The following EGLN3 variants were observed in gnomAD, a reference collection of about 807,000 sequenced individuals.
EGLN3 encodes prolyl hydroxylase EGLN3.
Under a neutral mutation model 26.0 loss-of-function variants are expected in EGLN3, and 15 were observed. The ratio of observed to expected loss-of-function variants is 0.58; its 90% CI spans 0.39 to 0.89. The LOEUF is 0.89. Among genes scored for constraint, EGLN3 ranks in the 40% least tolerant of loss-of-function variants. The pLI is 0.00. For missense variants in EGLN3, 238 were observed against 311.6 expected (o/e 0.76, Z 1.78); for synonymous variants, 147 against 127.2 (o/e 1.16, Z -1.05).
intron 1 of EGLN3, among the ~76,000 whole-genome samples, chr14:33,940,440 C>T (rs1156523951): frequency 6.6e-6 from 1 of 151,570 alleles, no homozygotes; most frequent in African/African-American, 2.4e-5. Context: ...TGACCTCTGA[C>T]TTTCTTGTTA....
In EGLN3 at chr14:33,924,554, C is replaced by T. The variant is rs778723199; in HGVS notation, c.*1337G>A. 2 of 146,926 alleles carry T rather than the reference C, an allele frequency of 1.4e-5. No individual in the cohort carries two copies. Among genetic ancestry groups the T allele is most frequent in the African/African-American group, 2.5e-5 (1 of 40,456 alleles). 9.1% of individuals were successfully genotyped at this position (146,926 alleles called of 1,614,324 possible). ...TTGGAAGACTATATATATATATATC[C>T]GTACATAACAAAGGAAAATATTTCT... is the stretch of plus-strand genomic sequence containing the variant. On this transcript the variant is annotated 3_prime_UTR_variant, in exon 5 of 5. Transcript: ENST00000250457.
chr14:33,936,638 G>A (rs182827216), intron 1 of EGLN3, among the ~76,000 whole-genome samples: 2 of 151,970 alleles, frequency 1.3e-5, no homozygotes, highest in East Asian at 1.9e-4. Flanking sequence ...ATTAGTAGCT[G>A]GAACAAAGGC....
chr14:33,933,192 T>C (rs867190246), intron 1 of EGLN3, among the ~76,000 whole-genome samples: 17 of 152,140 alleles, frequency 1.1e-4, no homozygotes, highest in Middle Eastern at 3.4e-3. Flanking sequence ...GTTACGCAGC[T>C]GTCAAAGGCC....
chr14:33,949,299 A>G (rs1471610220), intron 1 of EGLN3: 3 of 152,214 alleles, frequency 2.0e-5, no homozygotes, highest in Admixed American at 6.5e-5. Context: ...TGAGAGAACA[A>G]TGGTCTGTTC....
intron 1 of EGLN3, among the ~76,000 whole-genome samples, chr14:33,943,482 G>A (rs2064497334): frequency 6.6e-6 from 1 of 152,208 alleles, no homozygotes; most frequent in Non-Finnish European, 1.5e-5. Context: ...TGCTACCAAG[G>A]AATTGTGGAG....
chr14:33,927,996 G>A (rs75446112), intron 3 of EGLN3, among the ~76,000 whole-genome samples: 4,037 of 151,708 alleles, frequency 0.027, 184 homozygotes, highest in African/African-American at 0.089. Flanking sequence ...AGCTACTTCC[G>A]TAGCTAACAA....
intron 2 of EGLN3, among the ~76,000 whole-genome samples, chr14:33,930,420 A>G (rs768705003): frequency 3.9e-5 from 6 of 152,234 alleles, no homozygotes. Flanking sequence ...GAGATGCAGA[A>G]GGTTCAAAAG....
At chr14:33,933,018 A>G (rs902788568) in intron 1 of EGLN3, among the ~76,000 whole-genome samples, 1 of 152,118 alleles carries the variant, frequency 6.6e-6, no homozygotes, top group Non-Finnish European at 1.5e-5. Flanking sequence ...GGCTCCCCCC[A>G]CTGAGTGTGT....
chr14:33,935,484 A>C (rs1217985251), intron 1 of EGLN3, among the ~76,000 whole-genome samples: 1 of 152,044 alleles, frequency 6.6e-6, no homozygotes, highest in African/African-American at 2.4e-5. Flanking sequence ...TTTCAATGAG[A>C]GCAAATCTTC....
chr14:33,936,821 A>T (rs2064446496), intron 1 of EGLN3, among the ~76,000 whole-genome samples: 2 of 33,158 alleles, frequency 6.0e-5, no homozygotes, highest in Admixed American at 4.4e-4. Flanking sequence ...GTTTTATTTA[A>T]AAAAAAAAAA....
intron 1 of EGLN3, among the ~76,000 whole-genome samples, chr14:33,931,795 A>G (rs941879810): frequency 6.6e-6 from 1 of 152,250 alleles, no homozygotes; most frequent in African/African-American, 2.4e-5. Context: ...CTAACTTGTT[A>G]ACACAGACAA....
chr14:33,930,874 T>C (rs1204810863), intron 2 of EGLN3, among the ~76,000 whole-genome samples: 1 of 152,200 alleles, frequency 6.6e-6, no homozygotes, highest in Non-Finnish European at 1.5e-5. Context: ...GTAGGGTTAA[T>C]AATCACCCTA....
chr14:33,936,808 C>A (rs1594379962), intron 1 of EGLN3, among the ~76,000 whole-genome samples: 1 of 122,552 alleles, frequency 8.2e-6, no homozygotes, highest in African/African-American at 2.9e-5. Context: ...ATGCCCTTTA[C>A]AAGTTTTATT....
Position 33,924,397 on chromosome 14 carries a change from T to A in EGLN3, c.*1494A>T, listed in dbSNP as rs1428212442. 6.6e-6 allele frequency: 1 copy of A among 152,124 alleles called. No homozygotes were observed. Among genetic ancestry groups the A allele is most frequent in the Non-Finnish European group, 1.5e-5 (1 of 68,020 alleles). The allele number at this position is 152,124 out of a possible 1,614,324, so 9.4% of individuals were successfully genotyped here. On this transcript the variant is annotated 3_prime_UTR_variant, in exon 5 of 5. Transcript: ENST00000250457. ...CAAGACAATAAACATAATAAGTGAA[T>A]AAATTACATAGTAATTTAGAAGGTG...
At chr14:33,947,782 T>C (rs572203149) in intron 1 of EGLN3, among the ~76,000 whole-genome samples, 1 of 152,324 alleles carries the variant, frequency 6.6e-6, no homozygotes, top group East Asian at 1.9e-4. Context: ...CCGGGCACAG[T>C]GGCTCAAGCC....
chr14:33,926,449 C>T (rs1566596063), intron 4 of EGLN3, among the ~76,000 whole-genome samples: 1 of 152,116 alleles, frequency 6.6e-6, no homozygotes, highest in African/African-American at 2.4e-5. Context: ...AGGAATTTAC[C>T]AAATTGGCAG....
intron 1 of EGLN3, among the ~76,000 whole-genome samples, chr14:33,939,811 T>C (rs1358460968): frequency 6.6e-6 from 1 of 152,198 alleles, no homozygotes; most frequent in African/African-American, 2.4e-5. Context: ...ACTTGCCTTT[T>C]TGAACCCAGT....
intron 3 of EGLN3, 133 bp downstream of exon 3, chr14:33,928,943 T>G (rs2064381293): frequency 1.1e-5 from 12 of 1,125,428 alleles, no homozygotes; most frequent in Non-Finnish European, 1.5e-5. Flanking sequence ...TTTTGTAGAC[T>G]CCAAACAAGT....
At chr14:33,927,983 G>T (rs967303631) in intron 3 of EGLN3, among the ~76,000 whole-genome samples, 1 of 151,806 alleles carries the variant, frequency 6.6e-6, no homozygotes, top group Non-Finnish European at 1.5e-5. Context: ...TGTAATGATT[G>T]TTAGCTACTT....
Sources: allele counts gnomAD v4.1 joint callset (sites outside exome capture counted in the v4.1 genomes callset), GRCh38; gene constraint gnomAD v4.1.1; transcripts MANE v1.5; gene names NCBI Gene and HGNC (gene_info 2026-07-23, HGNC 2026-07-21).